The following RASSF3 variants were observed in gnomAD, a reference collection of about 807,000 sequenced individuals.
RASSF3 encodes the protein ras association domain-containing protein 3.
A neutral mutation model predicts 19.9 loss-of-function variants in RASSF3; 19 were observed. That is an observed-to-expected ratio of 0.96 (90% confidence interval 0.67 to 1.40). The LOEUF is 1.40. RASSF3 is among the 40% of genes most tolerant of loss of function. The pLI is 0.00. For synonymous variants in RASSF3, 110 were observed against 104.2 expected, an observed-to-expected ratio of 1.06 and a Z score of -0.34; for missense variants, 306 against 289.8, an observed-to-expected ratio of 1.06 and a Z score of -0.41.
chr12:64,565,000 C>G (rs546562127), intron 2 of RASSF3, among the ~76,000 whole-genome samples: 4 of 151,406 alleles, frequency 2.6e-5, no homozygotes, highest in Admixed American at 6.6e-5. Flanking sequence ...AGGATGGTCT[C>G]GAACTCCTGA....
chr12:64,605,938 C>T (rs570786361), upstream of RASSF3, among the ~76,000 whole-genome samples: 1 of 142,318 alleles, frequency 7.0e-6, no homozygotes, highest in Non-Finnish European at 1.5e-5. Context: ...TGTCACATAA[C>T]AAGAAGTCCT....
At chr12:64,537,868 T>C (rs757929847) in intron 1 of RASSF3, among the ~76,000 whole-genome samples, 1 of 152,164 alleles carries the variant, frequency 6.6e-6, no homozygotes, top group African/African-American at 2.4e-5. Flanking sequence ...AAAATCAACA[T>C]GTCTGCAGGT....
chr12:64,514,856 G>T (rs955151823), intron 1 of RASSF3, among the ~76,000 whole-genome samples: 2 of 152,048 alleles, frequency 1.3e-5, no homozygotes, highest in African/African-American at 2.4e-5. Flanking sequence ...CTATCTTCCC[G>T]ATCTGATGAA....
chr12:64,694,929 C>T lies in RASSF3; in HGVS notation c.*17C>T, dbSNP rs73323421. ...CCTGATTAAAGCGGGGCTCCCTGCCCGTGAGGCCCGGTGCAGGACCGATGT... is the reference window on the plus strand; with the variant it reads ...CCTGATTAAAGCGGGGCTCCCTGCCTGTGAGGCCCGGTGCAGGACCGATGT... On this transcript the variant is annotated 3_prime_UTR_variant, in exon 5 of 5. Coordinates refer to ENST00000542104, the MANE Select transcript of RASSF3 (RefSeq NM_178169.4). The T allele has an allele frequency of 5.0e-3, 8,043 of 1,612,716 alleles. 353 individuals are homozygous for T. The African/African-American group carries it at 0.094, about 19-fold the overall frequency.
rs536962003 is a variant in RASSF3, at chr12:64,684,861, C to G, written c.186C>G (p.Asn62Lys). 7 of 1,612,962 alleles carry G rather than the reference C, an allele frequency of 4.3e-6. No individual in the cohort carries two copies. In the South Asian group the frequency reaches 7.7e-5, roughly 18 times the overall value. The change falls in exon 2 of 5, where the codon AAC becomes AAG. Residue 62 changes from asparagine to lysine, a missense_variant. Asn to Lys is a moderately conservative substitution (Grantham distance 94). Coordinates refer to ENST00000542104, the MANE Select transcript of RASSF3 (RefSeq NM_178169.4). ...EEIKEKVHKY[N>K]LAVTDKLKMT... ...TCAAAGAGAAAGTTCATAAATACAA[C>G]TTAGCAGTCACAGACAAGTTGAAGA... is the stretch of plus-strand genomic sequence containing the variant.
At chr12:64,514,928 T>C (rs1369418757) in intron 1 of RASSF3, among the ~76,000 whole-genome samples, 7 of 152,122 alleles carry the variant, frequency 4.6e-5, no homozygotes, top group Non-Finnish European at 1.0e-4. Flanking sequence ...TTAGTTATTG[T>C]ATTTTTTTTA....
intron 1 of RASSF3, among the ~76,000 whole-genome samples, chr12:64,630,403 G>C (rs1483947406): frequency 2.0e-5 from 3 of 152,132 alleles, no homozygotes; most frequent in Admixed American, 6.6e-5. Context: ...GTTTGTGCCT[G>C]TAGTCCCAGC....
At chr12:64,667,698 T>G (rs1872572637) in intron 1 of RASSF3, among the ~76,000 whole-genome samples, 2 of 152,216 alleles carry the variant, frequency 1.3e-5, no homozygotes, top group Non-Finnish European at 2.9e-5. Context: ...TCTTCAATTG[T>G]TGGAGACCAA....
intron 2 of RASSF3, among the ~76,000 whole-genome samples, chr12:64,568,356 T>TGA (rs1327585948): frequency 6.6e-6 from 1 of 152,144 alleles, no homozygotes; most frequent in African/African-American, 2.4e-5. Flanking sequence ...TTTAAACTTG[T>TGA]GAGAGTGTGT....
chr12:64,623,119 C>T (rs1870850347), intron 1 of RASSF3, among the ~76,000 whole-genome samples: 1 of 152,106 alleles, frequency 6.6e-6, no homozygotes, highest in African/African-American at 2.4e-5. Flanking sequence ...CCGCGCCCGG[C>T]CACCGTGAAA....
chr12:64,600,159 A>AC (rs1870068242), intron 2 of RASSF3, among the ~76,000 whole-genome samples: 1 of 152,066 alleles, frequency 6.6e-6, no homozygotes, highest in African/African-American at 2.4e-5. Flanking sequence ...CAGAAGTTAA[A>AC]AAAACAAACA....
chr12:64,666,439 C>T (rs575970157), intron 1 of RASSF3, among the ~76,000 whole-genome samples: 3 of 152,088 alleles, frequency 2.0e-5, no homozygotes, highest in Non-Finnish European at 4.4e-5. Context: ...CCTTTGGTAG[C>T]GTGCTCACTG....
At chr12:64,641,345 G>A (rs1393901672) in intron 1 of RASSF3, among the ~76,000 whole-genome samples, 1 of 151,598 alleles carries the variant, frequency 6.6e-6, no homozygotes, top group African/African-American at 2.4e-5. Flanking sequence ...GCAGTGAGCC[G>A]AGACCGTACC....
chr12:64,599,238 T>C (rs1338633250), intron 2 of RASSF3: 2 of 152,106 alleles, frequency 1.3e-5, no homozygotes, highest in African/African-American at 4.8e-5. Flanking sequence ...AATATCACTA[T>C]GGATGGGTCA....
At chr12:64,556,861 A>G (rs1302369046) in intron 2 of RASSF3, among the ~76,000 whole-genome samples, 4 of 130,234 alleles carry the variant, frequency 3.1e-5, no homozygotes, top group Non-Finnish European at 6.4e-5. Context: ...TTTTTGAGAC[A>G]AGTCTTGCTC....
In RASSF3 at chr12:64,539,531, C is replaced by T. The variant is rs529573859; in HGVS notation, c.68-2050C>T. 2.6e-3 allele frequency among the ~76,000 whole-genome samples: 397 copies of T among 152,236 alleles called. 2 individuals are homozygous for T. The South Asian group carries it at 0.028, about 11-fold the overall frequency. ...GTGGCTTATATCTGTAGTCCCAGCA[C>T]CTTGGGAGGCCAAGGGGGCGGATCA... On this transcript the variant is annotated intron_variant, in intron 1 of 1. Coordinates refer to the RASSF3 transcript ENST00000636333.
intron 2 of RASSF3, among the ~76,000 whole-genome samples, chr12:64,604,585 G>C (rs1795607): frequency 2.6e-5 from 4 of 151,918 alleles, no homozygotes; most frequent in Non-Finnish European, 5.9e-5. Flanking sequence ...TGATTGTATC[G>C]GTTCAACTAT....
At chr12:64,558,115 G>A (rs1199922789) in intron 2 of RASSF3, among the ~76,000 whole-genome samples, 4 of 152,198 alleles carry the variant, frequency 2.6e-5, no homozygotes, top group African/African-American at 9.6e-5. Context: ...CTTGCTCAAG[G>A]AATAGTGCCA....
At chr12:64,652,209 G>A (rs1871980938) in intron 1 of RASSF3, among the ~76,000 whole-genome samples, 1 of 152,056 alleles carries the variant, frequency 6.6e-6, no homozygotes, top group Non-Finnish European at 1.5e-5. Flanking sequence ...AATTAACATT[G>A]TAGTTTTACA....
Sources: allele counts gnomAD v4.1 joint callset (sites outside exome capture counted in the v4.1 genomes callset), GRCh38; gene constraint gnomAD v4.1.1; transcripts MANE v1.5; gene names NCBI Gene and HGNC (gene_info 2026-07-23, HGNC 2026-07-21).